The following ADGRV1 variants were observed in gnomAD, a reference collection of about 807,000 sequenced individuals.
ADGRV1 encodes the protein G-protein coupled receptor 98.
ADGRV1 carries 359 observed loss-of-function variants against 596.2 expected under a neutral mutation model. The observed-to-expected ratio is 0.60, with a 90% confidence interval of 0.55 to 0.66. ADGRV1 has a LOEUF of 0.66. ADGRV1 is among the 30% of genes least tolerant of loss of function. The pLI is 0.00. For synonymous variants in ADGRV1, 2,681 were observed against 2,679.2 expected (o/e 1.00, Z -0.02); for missense variants, 7,274 against 7,575.6 (o/e 0.96, Z 1.48).
At chr5:90,650,395 A>G (rs758703257) in intron 17 of ADGRV1, among the ~76,000 whole-genome samples, 4 of 152,138 alleles carry the variant, frequency 2.6e-5, no homozygotes, top group Non-Finnish European at 2.9e-5. Context: ...ATTTTATTAT[A>G]TGCTCTTTAT....
chr5:90,817,919 A>C (rs1763069306), intron 75 of ADGRV1, among the ~76,000 whole-genome samples: 1 of 152,094 alleles, frequency 6.6e-6, no homozygotes, highest in Non-Finnish European at 1.5e-5. Flanking sequence ...TTCCATACAA[A>C]CTTTAAAGTA....
chr5:91,056,513 T>A (rs1026872929), intron 85 of ADGRV1, among the ~76,000 whole-genome samples: 1 of 152,146 alleles, frequency 6.6e-6, no homozygotes, highest in African/African-American at 2.4e-5. Context: ...AACGACAATT[T>A]TTTTTTTGAA....
chr5:91,162,844 C>T (rs1399482824), intron 89 of ADGRV1, among the ~76,000 whole-genome samples: 1 of 152,130 alleles, frequency 6.6e-6, no homozygotes, highest in Non-Finnish European at 1.5e-5. Flanking sequence ...TCCTCTCAGA[C>T]AGAAAGGGAA....
chr5:90,999,658 C>G (rs906929567), intron 85 of ADGRV1, among the ~76,000 whole-genome samples: 2 of 151,934 alleles, frequency 1.3e-5, no homozygotes, highest in African/African-American at 4.8e-5. Context: ...AATTGGGCAC[C>G]TTTTGTTGTC....
At chr5:90,912,138 A>G (rs1239880732) in intron 83 of ADGRV1, among the ~76,000 whole-genome samples, 1 of 152,120 alleles carries the variant, frequency 6.6e-6, no homozygotes, top group Non-Finnish European at 1.5e-5. Context: ...TATTATCAGT[A>G]TGATTACGTG....
At chr5:90,600,958 C>T (rs1164873644) in intron 1 of ADGRV1, among the ~76,000 whole-genome samples, 7 of 152,212 alleles carry the variant, frequency 4.6e-5, no homozygotes, top group Non-Finnish European at 8.8e-5. Context: ...AAAACCCGGC[C>T]GAGCGCAGTG....
chr5:90,926,900 T>G (rs1470067908), intron 83 of ADGRV1, among the ~76,000 whole-genome samples: 1 of 152,248 alleles, frequency 6.6e-6, no homozygotes. Flanking sequence ...TACCCAGTAG[T>G]CATTCAGGAG....
At chr5:91,148,349 C>T (rs1461343611) in intron 87 of ADGRV1, among the ~76,000 whole-genome samples, 1 of 152,156 alleles carries the variant, frequency 6.6e-6, no homozygotes, top group Non-Finnish European at 1.5e-5. Context: ...AAGATGGTAT[C>T]CTAGACCTGG....
At chr5:91,014,174 A>ACACC (rs955977664) in intron 85 of ADGRV1, among the ~76,000 whole-genome samples, 4 of 149,998 alleles carry the variant, frequency 2.7e-5, no homozygotes, top group African/African-American at 9.8e-5. Context: ...ACACACACAC[A>ACACC]CCCCTAGACA....
chr5:90,776,795 T>C (rs1037466814), intron 61 of ADGRV1, among the ~76,000 whole-genome samples: 1 of 152,166 alleles, frequency 6.6e-6, no homozygotes, highest in Non-Finnish European at 1.5e-5. Flanking sequence ...TTTCTGACTC[T>C]TGAGTGATTT....
chr5:90,981,788 C>T (rs1301018776), intron 84 of ADGRV1, among the ~76,000 whole-genome samples: 1 of 152,142 alleles, frequency 6.6e-6, no homozygotes, highest in Non-Finnish European at 1.5e-5. Context: ...CATGTAAATG[C>T]AGGACAATAA....
At chr5:90,596,135 T>C (rs2152009893) in intron 1 of ADGRV1, among the ~76,000 whole-genome samples, 1 of 137,920 alleles carries the variant, frequency 7.3e-6, no homozygotes, top group African/African-American at 2.8e-5. Context: ...GCAGAGGCGC[T>C]CCTCACATCC....
chr5:91,129,019 T>C (rs562961877), intron 87 of ADGRV1, among the ~76,000 whole-genome samples: 6 of 152,226 alleles, frequency 3.9e-5, no homozygotes, highest in Non-Finnish European at 7.3e-5. Context: ...TTCAAAATAC[T>C]TAATTTTCTC....
chr5:91,114,470 T>G (rs1472511882), intron 87 of ADGRV1, among the ~76,000 whole-genome samples: 1 of 151,918 alleles, frequency 6.6e-6, no homozygotes, highest in Non-Finnish European at 1.5e-5. Context: ...GAGGTTGCAG[T>G]GAGCCAAGAT....
intron 83 of ADGRV1, among the ~76,000 whole-genome samples, chr5:90,868,846 G>A (rs905852983): frequency 3.3e-5 from 5 of 151,870 alleles, no homozygotes; most frequent in African/African-American, 9.7e-5. Flanking sequence ...TCAATGGCAT[G>A]GTGAAAATAT....
chr5:90,703,273 G>C (rs1308114296), intron 34 of ADGRV1, among the ~76,000 whole-genome samples: 1 of 152,048 alleles, frequency 6.6e-6, no homozygotes, highest in Non-Finnish European at 1.5e-5. Context: ...GCATATCAGT[G>C]TAAGGATTTG....
chr5:90,782,283 T>C (rs1291125844), intron 65 of ADGRV1, among the ~76,000 whole-genome samples: 1 of 152,174 alleles, frequency 6.6e-6, no homozygotes, highest in African/African-American at 2.4e-5. Flanking sequence ...AGTTGGTTTA[T>C]AATGAGTTTA....
At chr5:90,858,537 A>C (rs1708424642) in intron 82 of ADGRV1, among the ~76,000 whole-genome samples, 2 of 151,992 alleles carry the variant, frequency 1.3e-5, no homozygotes, top group Admixed American at 6.6e-5. Context: ...TTATAGAGAT[A>C]GGGTTTTGCC....
chr5:91,153,464 T>C (rs1239855508), intron 89 of ADGRV1, 66 bp downstream of exon 89: 2 of 1,266,216 alleles, frequency 1.6e-6, no homozygotes, highest in Non-Finnish European at 1.1e-6. Flanking sequence ...TTATATTTTC[T>C]TTCCATGAAG....
Sources: allele counts gnomAD v4.1 joint callset (sites outside exome capture counted in the v4.1 genomes callset), GRCh38; gene constraint gnomAD v4.1.1; transcripts MANE v1.5; gene names NCBI Gene and HGNC (gene_info 2026-07-23, HGNC 2026-07-21).